Variants in TENT4A observed in about 807,000 individuals in gnomAD.
The protein encoded by TENT4A is terminal nucleotidyltransferase 4A, also known as DNA polymerase kappa.
Under a neutral mutation model 72.8 loss-of-function variants are expected in TENT4A, and 7 were observed. The observed-to-expected ratio is 0.10, with a 90% CI of 0.05 to 0.18. The LOEUF (loss-of-function observed/expected upper bound fraction) is 0.18, where lower values mean the gene tolerates loss of function less well. Ranked by LOEUF, TENT4A falls within the 10% of genes least tolerant of loss-of-function variation. TENT4A has a pLI of 1.00. For synonymous variants in TENT4A, 456 were observed against 434.3 expected (o/e 1.05, Z -0.62); for missense variants, 831 against 1,017.7 (o/e 0.82, Z 2.50).
At position 6,742,554 on chromosome 5, in the gene TENT4A, A is replaced by T. The variant is rs1307256441; in HGVS notation, c.1073A>T (p.Glu358Val). The T allele has an allele frequency of 6.2e-7, 1 of 1,613,674 alleles. No homozygotes were observed. The highest frequency in any genetic ancestry group is 1.7e-5 in the Admixed American group (1 of 60,018). ...AAAGTTGACATCAGCTTTAACATGGAGACGGGCGTCCGGGCAGCGGAGTTC... is the reference window on the plus strand; with the variant it reads ...AAAGTTGACATCAGCTTTAACATGGTGACGGGCGTCCGGGCAGCGGAGTTC... ...EVKVDISFNMETGVRAAEFIK... is the reference protein window; with the variant it reads ...EVKVDISFNMVTGVRAAEFIK... The change falls in exon 5 of 13, where the codon GAG becomes GTG. Residue 358 changes from glutamate (E) to valine (V), a missense_variant. Glu to Val is a moderately radical substitution (Grantham distance 121, BLOSUM62 -2). Around this residue, in one of 3 missense-constraint regions of TENT4A, gnomAD observed 197 missense variants for 399.6 expected, o/e 0.49. Coordinates refer to ENST00000230859, the MANE Select transcript of TENT4A (RefSeq NM_006999.6).
chr5:6,730,486 A>T (rs567088645), intron 1 of TENT4A, among the ~76,000 whole-genome samples: 4 of 152,210 alleles, frequency 2.6e-5, no homozygotes, highest in Admixed American at 2.6e-4. Context: ...CCTCCAGGGG[A>T]GTGCGCCCTC....
In TENT4A at chr5:6,713,873, GC is replaced by G; in HGVS notation, c.-108del. On this transcript the variant is annotated 5_prime_UTR_variant, in exon 1 of 13. Transcript: ENST00000230859. Reference sequence around the variant, plus strand: ...GCCGCCGCCGCCGCCGCCGCCACCGGCCCAGGCCCGTCCGTCCGTCCGTGCG... The same window carrying G: ...GCCGCCGCCGCCGCCGCCGCCACCGGCCAGGCCCGTCCGTCCGTCCGTGCG... 4.6e-6 allele frequency: 1 copy of G among 215,340 alleles called. No homozygotes were observed. Among genetic ancestry groups the G allele is most frequent in the Non-Finnish European group, 7.7e-6 (1 of 130,454 alleles). 13.3% of individuals were successfully genotyped at this position (215,340 alleles called of 1,614,324 possible).
In TENT4A at chr5:6,754,897, A is replaced by G. The variant is rs781111353; in HGVS notation, c.2331A>G (p.Lys777=). Residue 777 remains lysine, a synonymous_variant, in exon 13 of 13, where the codon AAA becomes AAG. Coordinates refer to ENST00000230859, the MANE Select transcript of TENT4A (RefSeq NM_006999.6). The stretch of plus-strand genomic sequence containing the variant: ...ATAACCGCACCGGCTGGAGGAGGAA[A>G]AAACACACACACACACGGGACAGTC... ...HQYNRTGWRR[K]KHTHTRDSLP... 6.2e-7 allele frequency: 1 copy of G among 1,605,784 alleles called. No homozygotes were observed. Among genetic ancestry groups the G allele is most frequent in the Non-Finnish European group, 8.5e-7 (1 of 1,173,982 alleles).
chr5:6,721,962 G>A (rs1489962734), intron 1 of TENT4A, among the ~76,000 whole-genome samples: 2 of 152,162 alleles, frequency 1.3e-5, no homozygotes, highest in South Asian at 2.1e-4. Flanking sequence ...GAATCCTGTC[G>A]ATCTGAAGGA....
intron 1 of TENT4A, among the ~76,000 whole-genome samples, chr5:6,734,833 C>T (rs1196457084): frequency 6.6e-6 from 1 of 152,202 alleles, no homozygotes; most frequent in Non-Finnish European, 1.5e-5. Flanking sequence ...ACCAGGCCAC[C>T]CCCTCTTCTC....
At chr5:6,727,493 C>T (rs1445622096) in intron 1 of TENT4A, among the ~76,000 whole-genome samples, 2 of 152,232 alleles carry the variant, frequency 1.3e-5, no homozygotes, top group East Asian at 3.9e-4. Context: ...ACACTCAGGC[C>T]TGGTCTTAGA....
At chr5:6,752,789 C>A in intron 11 of TENT4A, 84 bp from the exon 12 acceptor site, 1 of 1,205,268 alleles carries the variant, frequency 8.3e-7, no homozygotes, top group Non-Finnish European at 1.2e-6. Context: ...TATCAGCTGC[C>A]CTTTGGTGGT....
chr5:6,748,508 C>G lies in TENT4A; in HGVS notation c.1504C>G (p.Gln502Glu), dbSNP rs1291138043. 2.5e-6 allele frequency: 4 copies of G among 1,614,112 alleles called. No homozygotes were observed. The highest frequency in any genetic ancestry group is 3.4e-6 in the Non-Finnish European group (4 of 1,179,996). Reference protein sequence around the residue: ...RSSYGAMQVKQVFDYAYIVLS... With the variant: ...RSSYGAMQVKEVFDYAYIVLS... ...CTCCTATGGCGCCATGCAGGTGAAG[C>G]AGGTCTTCGATTATGCCTACATAGT... The change falls in exon 8 of 13, where the codon CAG (glutamine) becomes GAG (glutamate). Residue 502 changes from glutamine to glutamate, a missense_variant. This residue lies in a region of TENT4A where 197 missense variants were observed against 399.6 expected (regional missense o/e 0.49). Coordinates refer to ENST00000230859, the MANE Select transcript of TENT4A (RefSeq NM_006999.6).
chr5:6,750,097 G>A (rs1216785273), intron 9 of TENT4A, among the ~76,000 whole-genome samples: 1 of 152,208 alleles, frequency 6.6e-6, no homozygotes, highest in Non-Finnish European at 1.5e-5. Context: ...TTAGATTTTA[G>A]AAAGTTCACA....
chr5:6,726,457 G>C (rs1430016500), intron 1 of TENT4A, among the ~76,000 whole-genome samples: 1 of 152,148 alleles, frequency 6.6e-6, no homozygotes, highest in Non-Finnish European at 1.5e-5. Flanking sequence ...CCTCTGGTCA[G>C]CTCAGTCCTG....
At chr5:6,740,331 G>C (rs1159307199) in intron 4 of TENT4A, among the ~76,000 whole-genome samples, 1 of 152,194 alleles carries the variant, frequency 6.6e-6, no homozygotes, top group Non-Finnish European at 1.5e-5. Flanking sequence ...TTATCTTTGG[G>C]GGAAGTTTGA....
intron 11 of TENT4A, among the ~76,000 whole-genome samples, chr5:6,752,039 A>G (rs1742434541): frequency 6.6e-6 from 1 of 152,210 alleles, no homozygotes; most frequent in Admixed American, 6.5e-5. Flanking sequence ...GCATAAGTGT[A>G]AAATTCAGGG....
At position 6,738,679 on chromosome 5, in the gene TENT4A, T is replaced by G; in HGVS notation, c.841-4T>G. ...CATTTTAAGGCAACCACTCTTTCTTTCAGGTACAGATATTTGGCAGCTTTA... is the reference window on the plus strand; with the variant it reads ...CATTTTAAGGCAACCACTCTTTCTTGCAGGTACAGATATTTGGCAGCTTTA... On this transcript the variant is annotated splice_region_variant and splice_polypyrimidine_tract_variant and intron_variant, in intron 2 of 12. Transcript: ENST00000230859. 2 of 1,611,378 alleles carry G rather than the reference T, an allele frequency of 1.2e-6. No individual in the cohort carries two copies. Among genetic ancestry groups the G allele is most frequent in the Non-Finnish European group, 1.7e-6 (2 of 1,177,438 alleles).
chr5:6,748,338 G>T, intron 7 of TENT4A, 126 bp from the exon 8 acceptor site: 2 of 1,291,262 alleles, frequency 1.5e-6, no homozygotes, highest in Admixed American at 3.6e-5. Flanking sequence ...TCTGGGCTTT[G>T]CTGGTAGGGT....
At chr5:6,729,599 G>T (rs877239) in intron 1 of TENT4A, among the ~76,000 whole-genome samples, 28,722 of 152,268 alleles carry the variant, frequency 0.19, 2,938 homozygotes, top group Non-Finnish European at 0.23. Flanking sequence ...CAGCAGTTGT[G>T]CTGTGGCTGC....
At chr5:6,717,187 AG>A (rs1464253314) in intron 1 of TENT4A, among the ~76,000 whole-genome samples, 23 of 152,222 alleles carry the variant, frequency 1.5e-4, no homozygotes, top group African/African-American at 4.8e-4. Context: ...CAGCTTACCC[AG>A]AGTGTTGAGA....
chr5:6,751,523 C>A, intron 11 of TENT4A: 1 of 257,976 alleles, frequency 3.9e-6, no homozygotes, highest in South Asian at 9.2e-5. Context: ...GACTCAGTCA[C>A]GACCCACTTA....
intron 11 of TENT4A, 119 bp downstream of exon 11, chr5:6,751,316 T>C (rs1466328778): frequency 5.0e-6 from 5 of 999,544 alleles, no homozygotes; most frequent in Non-Finnish European, 7.6e-6. Flanking sequence ...TTTGAGTATT[T>C]GGCCATTGGT....
chr5:6,735,577 C>CTA, intron 1 of TENT4A, among the ~76,000 whole-genome samples: 1 of 152,116 alleles, frequency 6.6e-6, no homozygotes, highest in East Asian at 1.9e-4. Flanking sequence ...TTAAAGTGGC[C>CTA]TACTGAGCTG....
Sources: gnomAD v4.1 joint callset for allele counts (sites outside exome capture counted in the v4.1 genomes callset) on GRCh38, gnomAD v4.1.1 for gene constraint, gnomAD v4.1.1 regional missense constraint, MANE v1.5 for transcripts, NCBI Gene and HGNC (gene_info 2026-07-23, HGNC 2026-07-21) for gene names.